The following FBXO42 variants were observed in gnomAD, a reference collection of about 807,000 sequenced individuals.
The protein encoded by FBXO42 is F-box protein 42.
Under a neutral mutation model 71.7 loss-of-function variants are expected in FBXO42, and 12 were observed. The ratio of observed to expected loss-of-function variants is 0.17; its 90% confidence interval spans 0.11 to 0.27. The LOEUF is 0.27. Ranked by LOEUF, FBXO42 falls within the 10% of genes least tolerant of loss-of-function variation. The pLI is 1.00. For synonymous variants in FBXO42, 325 were observed against 327.5 expected (o/e 0.99, Z 0.08); for missense variants, 707 against 911.9 (o/e 0.78, Z 2.89).
At chr1:16,266,967 T>C (rs147264144) in intron 4 of FBXO42, among the ~76,000 whole-genome samples, 1 of 152,340 alleles carries the variant, frequency 6.6e-6, no homozygotes, top group Non-Finnish European at 1.5e-5. Context: ...ATTTTGATTT[T>C]ACAGGCAATA....
intron 4 of FBXO42, among the ~76,000 whole-genome samples, chr1:16,264,519 T>C (rs2081750482): frequency 6.6e-6 from 1 of 152,124 alleles, no homozygotes; most frequent in African/African-American, 2.4e-5. Context: ...AAAGGAAGGG[T>C]GTCATTCCCA....
chr1:16,279,618 T>C (rs2081939097), intron 4 of FBXO42, among the ~76,000 whole-genome samples: 1 of 152,160 alleles, frequency 6.6e-6, no homozygotes, highest in Non-Finnish European at 1.5e-5. Flanking sequence ...ATGATAAACA[T>C]AATAGTCAAA....
intron 4 of FBXO42, among the ~76,000 whole-genome samples, chr1:16,282,536 TTA>T (rs1491579228): frequency 1.5e-3 from 135 of 89,024 alleles, no homozygotes; most frequent in Non-Finnish European, 1.7e-3. Context: ...ATTTTCTCTT[TTA>T]AAAAAAAAAA....
intron 2 of FBXO42, among the ~76,000 whole-genome samples, chr1:16,310,420 A>T (rs1431172240): frequency 2.0e-5 from 3 of 152,014 alleles, no homozygotes; most frequent in African/African-American, 7.2e-5. Flanking sequence ...AGTGCCAGCT[A>T]TTTGGGAAGC....
chr1:16,253,552 T>C, intron 7 of FBXO42, 83 bp downstream of exon 7: 1 of 1,282,424 alleles, frequency 7.8e-7, no homozygotes, highest in Non-Finnish European at 1.1e-6. Context: ...TATTGGCATC[T>C]TACCTGACTC....
At chr1:16,333,742 G>A (rs1445588808) in intron 1 of FBXO42, among the ~76,000 whole-genome samples, 1 of 152,180 alleles carries the variant, frequency 6.6e-6, no homozygotes, top group East Asian at 1.9e-4. Flanking sequence ...GCCTTAAGAT[G>A]TGGTGTCCAG....
At chr1:16,328,206 G>C (rs921920638) in intron 1 of FBXO42, among the ~76,000 whole-genome samples, 13 of 152,104 alleles carry the variant, frequency 8.5e-5, no homozygotes, top group African/African-American at 3.1e-4. Context: ...CAGGAGGCTG[G>C]GGGATCCTAG....
chr1:16,270,730 A>C (rs2081833053), intron 4 of FBXO42, among the ~76,000 whole-genome samples: 1 of 141,490 alleles, frequency 7.1e-6, no homozygotes, highest in Non-Finnish European at 1.5e-5. Flanking sequence ...ATAAATTCCA[A>C]ATCCCTTACT....
chr1:16,295,428 T>C (rs1323220619), intron 3 of FBXO42, among the ~76,000 whole-genome samples: 1 of 152,146 alleles, frequency 6.6e-6, no homozygotes, highest in Non-Finnish European at 1.5e-5. Flanking sequence ...TCTCCCTCTG[T>C]CAGCCAGGCT....
intron 1 of FBXO42, among the ~76,000 whole-genome samples, chr1:16,344,630 C>G (rs990931034): frequency 6.6e-6 from 1 of 151,806 alleles, no homozygotes; most frequent in African/African-American, 2.4e-5. Flanking sequence ...GCCACAGCAC[C>G]CATCCAGTTG....
At chr1:16,266,660 G>T (rs962714709) in intron 4 of FBXO42, among the ~76,000 whole-genome samples, 8 of 152,142 alleles carry the variant, frequency 5.3e-5, no homozygotes, top group Non-Finnish European at 4.4e-5. Flanking sequence ...GCGTGTGTAT[G>T]GGGGGTGGGA....
intron 4 of FBXO42, chr1:16,292,341 GAC>G (rs900185286): frequency 6.6e-6 from 1 of 151,486 alleles, no homozygotes; most frequent in African/African-American, 2.4e-5. Context: ...CTTTTTTTGA[GAC>G]ACAGTCTCAC....
intron 1 of FBXO42, among the ~76,000 whole-genome samples, chr1:16,342,269 G>A (rs988682177): frequency 7.9e-5 from 12 of 151,860 alleles, no homozygotes; most frequent in Middle Eastern, 3.4e-3. Context: ...GGTGGCACAT[G>A]CCTGTAATCC....
At chr1:16,301,618 G>C (rs569255599) in intron 3 of FBXO42, among the ~76,000 whole-genome samples, 3 of 147,930 alleles carry the variant, frequency 2.0e-5, no homozygotes, top group African/African-American at 7.5e-5. Context: ...AGCCAAGACC[G>C]CGCCACTGCA....
chr1:16,334,562 C>A (rs1199723257), intron 1 of FBXO42, among the ~76,000 whole-genome samples: 4 of 151,986 alleles, frequency 2.6e-5, no homozygotes. Flanking sequence ...AAATAACCCA[C>A]AACTAACAAC....
At chr1:16,312,578 A>T (rs1470686144) in intron 2 of FBXO42, among the ~76,000 whole-genome samples, 1 of 152,172 alleles carries the variant, frequency 6.6e-6, no homozygotes. Context: ...TTATGATATT[A>T]TAACAGTGGA....
At chr1:16,334,473 G>A (rs2082532766) in intron 1 of FBXO42, among the ~76,000 whole-genome samples, 1 of 149,800 alleles carries the variant, frequency 6.7e-6, no homozygotes, top group Admixed American at 6.7e-5. Context: ...CTAATGACCT[G>A]AGAACACCTC....
intron 1 of FBXO42, among the ~76,000 whole-genome samples, chr1:16,344,971 C>T (rs1174093792): frequency 6.6e-6 from 1 of 150,978 alleles, no homozygotes; most frequent in Admixed American, 6.6e-5. Flanking sequence ...TGGTGGTGGG[C>T]ACCTGTAATC....
intron 5 of FBXO42, among the ~76,000 whole-genome samples, 180 bp downstream of exon 5, chr1:16,256,426 C>G (rs2081645544): frequency 1.3e-5 from 2 of 152,126 alleles, no homozygotes; most frequent in Admixed American, 1.3e-4. Flanking sequence ...CTAAGAGAGT[C>G]CTGTAAACTC....
Sources: gnomAD v4.1 joint callset for allele counts (sites outside exome capture counted in the v4.1 genomes callset) on GRCh38, gnomAD v4.1.1 for gene constraint, MANE v1.5 for transcripts, NCBI Gene and HGNC (gene_info 2026-07-23, HGNC 2026-07-21) for gene names.